Variants in STK35 observed in about 807,000 individuals in gnomAD.
STK35 encodes the protein serine/threonine-protein kinase 35.
Under a neutral mutation model 37.3 loss-of-function variants are expected in STK35, and 17 were observed. The observed-to-expected ratio is 0.46, with a 90% CI of 0.31 to 0.68. The LOEUF (loss-of-function observed/expected upper bound fraction) is 0.68, where lower values mean the gene tolerates loss of function less well. Ranked by LOEUF, STK35 falls within the 30% of genes least tolerant of loss-of-function variation. The pLI, the probability that STK35 is intolerant of heterozygous loss-of-function variation, is 0.05. For missense variants in STK35, 595 were observed against 746.7 expected (o/e 0.80, Z 2.37); for synonymous variants, 385 against 319.1 (o/e 1.21, Z -2.20).
At chr20:2,131,328 A>G (rs187563261) in intron 3 of STK35, among the ~76,000 whole-genome samples, 71 of 152,396 alleles carry the variant, frequency 4.7e-4, no homozygotes, top group Non-Finnish European at 7.8e-4. Context: ...AAGGTAAAAA[A>G]AATGGCTGGG....
intron 3 of STK35, among the ~76,000 whole-genome samples, chr20:2,138,092 C>T (rs1187336112): frequency 6.6e-6 from 1 of 152,196 alleles, no homozygotes; most frequent in Non-Finnish European, 1.5e-5. Context: ...GCTAGCATGT[C>T]ATAGGTATCA....
chr20:2,109,270 G>A (rs73068298), intron 2 of STK35, among the ~76,000 whole-genome samples: 7,571 of 152,294 alleles, frequency 0.05, 273 homozygotes, highest in Admixed American at 0.1. Context: ...AACAAGCCTG[G>A]CAAGAGCTGA....
chr20:2,117,272 AG>A lies in STK35; in HGVS notation c.1503del (p.Ile502SerfsTer5). Reference protein sequence around the residue: ...IPQKRRTSMSEGIKQLLKDML... With the variant: ...IPQKRRTSMSXGIKQLLKDML... ...CAAAAACGCAGGACTTCCATGTCTG[AG>A]GGGATCAAGCAGCTCTTGAAAGATA... On this transcript the variant is annotated frameshift_variant, in exon 3 of 4. Transcript: ENST00000381482. LOFTEE classifies it high-confidence loss of function. This position sits in a 1 kb window ranked among gnomAD's most constrained non-coding sequence, Gnocchi z 4.4. The A allele has an allele frequency of 1.2e-6, 2 of 1,614,186 alleles. No homozygotes were observed. Among genetic ancestry groups the A allele is most frequent in the Non-Finnish European group, 1.7e-6 (2 of 1,180,036 alleles).
intron 1 of STK35, among the ~76,000 whole-genome samples, chr20:2,102,424 A>AG (rs1179067067): frequency 7.2e-5 from 11 of 152,276 alleles, no homozygotes; most frequent in East Asian, 3.9e-4. Context: ...AGCGTCACAG[A>AG]GGGGGCCAAG....
chr20:2,131,250 G>A (rs1985994819), intron 3 of STK35, among the ~76,000 whole-genome samples: 1 of 152,182 alleles, frequency 6.6e-6, no homozygotes, highest in African/African-American at 2.4e-5. Flanking sequence ...ATAGGCAGTT[G>A]TAACACAATG....
chr20:2,114,826 A>G (rs1568575330), intron 2 of STK35, among the ~76,000 whole-genome samples: 4 of 152,200 alleles, frequency 2.6e-5, no homozygotes, highest in Admixed American at 6.5e-5. Context: ...TTCCCCCACC[A>G]GAAGTTTCAG....
intron 3 of STK35, among the ~76,000 whole-genome samples, chr20:2,120,150 G>T (rs1985791236): frequency 6.6e-6 from 1 of 152,164 alleles, no homozygotes; most frequent in Non-Finnish European, 1.5e-5. Context: ...ATTCAGATTT[G>T]CTCTGGCATA....
chr20:2,127,104 A>G (rs1190888798), intron 3 of STK35, among the ~76,000 whole-genome samples: 2 of 152,112 alleles, frequency 1.3e-5, no homozygotes, highest in African/African-American at 4.8e-5. Flanking sequence ...AACAGGAGGC[A>G]GGTTGGCTTT....
intron 3 of STK35, among the ~76,000 whole-genome samples, chr20:2,130,034 G>T (rs1985972114): frequency 6.6e-6 from 1 of 152,194 alleles, no homozygotes; most frequent in Admixed American, 6.5e-5. Flanking sequence ...CCTGAAATCG[G>T]AAGGTAGGAA....
intron 3 of STK35, among the ~76,000 whole-genome samples, chr20:2,133,166 C>T (rs1338177294): frequency 6.6e-6 from 1 of 152,158 alleles, no homozygotes; most frequent in Non-Finnish European, 1.5e-5. Context: ...CCATGTGGAC[C>T]TCTCTGTGGG....
chr20:2,111,915 T>G (rs570733738), intron 2 of STK35, among the ~76,000 whole-genome samples: 1 of 152,176 alleles, frequency 6.6e-6, no homozygotes, highest in African/African-American at 2.4e-5. Context: ...CTCGCAGTTA[T>G]TCTCAGCCTG....
intron 3 of STK35, among the ~76,000 whole-genome samples, chr20:2,121,019 G>A (rs1985807394): frequency 6.6e-6 from 1 of 152,146 alleles, no homozygotes; most frequent in African/African-American, 2.4e-5. Flanking sequence ...GGATTTCTGG[G>A]GAAAGAGCAT....
At chr20:2,109,306 G>A (rs1985573732) in intron 2 of STK35, among the ~76,000 whole-genome samples, 1 of 152,234 alleles carries the variant, frequency 6.6e-6, no homozygotes, top group South Asian at 2.1e-4. Flanking sequence ...CAAGGCCCAT[G>A]CATATGGAGA....
intron 2 of STK35, among the ~76,000 whole-genome samples, chr20:2,113,036 C>G (rs1985649537): frequency 6.6e-6 from 1 of 152,184 alleles, no homozygotes; most frequent in African/African-American, 2.4e-5. Flanking sequence ...AGCTGAAACT[C>G]CATGGATCAC....
At chr20:2,135,688 C>A (rs1986074593) in intron 3 of STK35, among the ~76,000 whole-genome samples, 1 of 152,204 alleles carries the variant, frequency 6.6e-6, no homozygotes, top group Non-Finnish European at 1.5e-5. Context: ...CATGGCGAAA[C>A]CCTGTCTCTA....
chr20:2,102,272 C>A (rs1568571904), intron 1 of STK35, 97 bp downstream of exon 1: 54 of 1,361,072 alleles, frequency 4.0e-5, no homozygotes, highest in Non-Finnish European at 4.9e-5. Context: ...CTCGGCCAGT[C>A]GCACTCCGAG....
At chr20:2,126,355 G>A (rs1003408340) in intron 3 of STK35, among the ~76,000 whole-genome samples, 1 of 152,202 alleles carries the variant, frequency 6.6e-6, no homozygotes, top group Non-Finnish European at 1.5e-5. Flanking sequence ...AGAGATACAG[G>A]AGGACAGGAA....
intron 3 of STK35, among the ~76,000 whole-genome samples, chr20:2,122,174 A>T (rs181025180): frequency 1.3e-5 from 2 of 152,264 alleles, no homozygotes; most frequent in Non-Finnish European, 2.9e-5. Flanking sequence ...TCTCTACTAA[A>T]AATACAAAAA....
At chr20:2,115,490 A>T (rs567764584) in intron 2 of STK35, among the ~76,000 whole-genome samples, 1 of 152,264 alleles carries the variant, frequency 6.6e-6, no homozygotes, top group South Asian at 2.1e-4. Flanking sequence ...AAGCCAGCAC[A>T]TTTGCAGGCC....
Sources: allele counts gnomAD v4.1 joint callset (sites outside exome capture counted in the v4.1 genomes callset), GRCh38; gene constraint gnomAD v4.1.1; non-coding constraint Gnocchi (gnomAD v3.1); transcripts MANE v1.5; gene names NCBI Gene and HGNC (gene_info 2026-07-23, HGNC 2026-07-21).